MEI1: variants seen among roughly 807,000 people sequenced by gnomAD.
MEI1 encodes meiotic double-stranded break formation protein 1, also known as meiosis inhibitor protein 1.
MEI1 carries 103 observed loss-of-function variants against 146.2 expected under a neutral mutation model. The ratio of observed to expected loss-of-function variants is 0.70; its 90% CI spans 0.60 to 0.83. The LOEUF (loss-of-function observed/expected upper bound fraction) is 0.83. Ranked by LOEUF, MEI1 falls within the 40% of genes least tolerant of loss-of-function variation. The probability of loss-of-function intolerance (pLI) is 0.00; values close to 1 mark genes in which losing one functional copy is unlikely to be tolerated. For missense variants in MEI1, 1,529 were observed against 1,533.0 expected (o/e 1.00, Z 0.04); for synonymous variants, 652 against 628.2 (o/e 1.04, Z -0.57).
chr22:41,712,209 A>AAAAAAAAAAAAAAT (rs1208962479), intron 3 of MEI1, among the ~76,000 whole-genome samples: 1 of 143,550 alleles, frequency 7.0e-6, no homozygotes, highest in African/African-American at 2.8e-5. Context: ...CGGCTCAAAA[A>AAAAAAAAAAAAAAT]AAAAAAAGCA....
At chr22:41,752,792 G>A in intron 16 of MEI1, 141 bp downstream of exon 16, 1 of 752,908 alleles carries the variant, frequency 1.3e-6, no homozygotes, top group Non-Finnish European at 2.4e-6. Context: ...TCAGCATCTG[G>A]TGCAATAAGC....
rs1433377309 is a variant in MEI1 at position 41,713,197 on chromosome 22, G to A, written c.350-805G>A. ...CTGATAATAAATCAAAGAAGGCCAG[G>A]CATGGTGACTCACACCTATTATCCC... On this transcript the variant is annotated intron_variant, in intron 3 of 30. Transcript: ENST00000401548. 2.0e-5 allele frequency among the ~76,000 whole-genome samples: 3 copies of A among 152,140 alleles called. No homozygotes were observed. The South Asian group carries it at 6.2e-4, about 32-fold the overall frequency.
In MEI1 at chr22:41,723,930, C is replaced by A; in HGVS notation, c.734-13C>A. ...TTCCTCTTGCCTTACTTCCCAATCC[C>A]TTTGTTTCCTAGGTTTGCTGAGGCA... On this transcript the variant is annotated splice_polypyrimidine_tract_variant and intron_variant, in intron 6 of 30. Coordinates refer to ENST00000401548, the MANE Select transcript of MEI1 (RefSeq NM_152513.4). 1 of 1,584,352 alleles carries A rather than the reference C, an allele frequency of 6.3e-7. No homozygotes were observed. Among genetic ancestry groups the A allele is most frequent in the East Asian group, 2.3e-5 (1 of 43,854 alleles).
intron 15 of MEI1, among the ~76,000 whole-genome samples, chr22:41,751,941 G>A (rs112166190): frequency 3.3e-5 from 5 of 151,946 alleles, no homozygotes; most frequent in South Asian, 2.1e-4. Flanking sequence ...ATGGTGGTGC[G>A]TACCTGTAGT....
chr22:41,755,289 T>C (rs2074020615), intron 17 of MEI1, among the ~76,000 whole-genome samples: 1 of 152,158 alleles, frequency 6.6e-6, no homozygotes, highest in African/African-American at 2.4e-5. Flanking sequence ...TCCCCCTTAT[T>C]ATATTTGTGA....
At chr22:41,724,161 T>C (rs1471310957) in intron 7 of MEI1, 88 bp downstream of exon 7, 5 of 1,488,598 alleles carry the variant, frequency 3.4e-6, no homozygotes, top group Non-Finnish European at 4.6e-6. Flanking sequence ...ACCACTCCTA[T>C]CTCAGATTTC....
At chr22:41,790,311 C>G (rs2076132182) in intron 26 of MEI1, among the ~76,000 whole-genome samples, 1 of 152,026 alleles carries the variant, frequency 6.6e-6, no homozygotes, top group Non-Finnish European at 1.5e-5. Flanking sequence ...CTCAAAACTC[C>G]TGGCCTCAAG....
chr22:41,720,968 A>G (rs1397787102), intron 6 of MEI1, among the ~76,000 whole-genome samples: 4 of 149,086 alleles, frequency 2.7e-5, no homozygotes, highest in Non-Finnish European at 5.9e-5. Context: ...TTAAGTAGAG[A>G]CGGGGTTTCA....
At chr22:41,730,003 A>G (rs117391101) in intron 8 of MEI1, among the ~76,000 whole-genome samples, 166 of 152,340 alleles carry the variant, frequency 1.1e-3, no homozygotes, top group Non-Finnish European at 2.0e-3. Context: ...CCTGTGGACC[A>G]GGTAGGCAAC....
chr22:41,749,310 T>C (rs528099931), intron 15 of MEI1, among the ~76,000 whole-genome samples: 1 of 152,046 alleles, frequency 6.6e-6, no homozygotes, highest in Admixed American at 6.6e-5. Flanking sequence ...AGTTTAGCTC[T>C]TGTTGCCCGG....
At chr22:41,708,117 A>G (rs2069240841) in intron 3 of MEI1, among the ~76,000 whole-genome samples, 2 of 152,262 alleles carry the variant, frequency 1.3e-5, no homozygotes, top group Admixed American at 6.5e-5. Flanking sequence ...TTTAAATTCA[A>G]TCACAGTCCT....
intron 26 of MEI1, among the ~76,000 whole-genome samples, chr22:41,786,688 G>A (rs2075997959): frequency 6.6e-6 from 1 of 152,334 alleles, no homozygotes; most frequent in East Asian, 1.9e-4. Flanking sequence ...GCTTGGGTCA[G>A]TGCCCTCTCC....
At chr22:41,712,528 C>G (rs2069678650) in intron 3 of MEI1, among the ~76,000 whole-genome samples, 2 of 151,922 alleles carry the variant, frequency 1.3e-5, no homozygotes, top group South Asian at 4.1e-4. Flanking sequence ...AGCCACTGCG[C>G]CCGGCTCAAA....
At chr22:41,727,039 C>T (rs992773508) in intron 7 of MEI1, among the ~76,000 whole-genome samples, 1 of 152,176 alleles carries the variant, frequency 6.6e-6, no homozygotes, top group Middle Eastern at 3.4e-3. Context: ...TCCCTAATTT[C>T]TAAACTCCTT....
At chr22:41,726,994 C>T (rs548763033) in intron 7 of MEI1, among the ~76,000 whole-genome samples, 6 of 151,928 alleles carry the variant, frequency 3.9e-5, no homozygotes, top group Non-Finnish European at 7.4e-5. Flanking sequence ...AGCATGGTCT[C>T]GATCTCCTGA....
chr22:41,761,323 T>G (rs981543071), intron 18 of MEI1, among the ~76,000 whole-genome samples: 2 of 148,812 alleles, frequency 1.3e-5, no homozygotes, highest in Non-Finnish European at 3.0e-5. Context: ...TTTTTTGTTT[T>G]TTTTTTTTTG....
At chr22:41,734,630 G>T (rs1362273709) in intron 11 of MEI1, among the ~76,000 whole-genome samples, 1 of 152,132 alleles carries the variant, frequency 6.6e-6, no homozygotes, top group African/African-American at 2.4e-5. Context: ...GTAAATAGTT[G>T]TCATGCTGTA....
rs895825608 is a variant in MEI1, at chr22:41,703,328, A to G, written c.175-3A>G. The G allele has an allele frequency of 1.2e-6, 2 of 1,611,904 alleles. No homozygotes were observed. Among genetic ancestry groups the G allele is most frequent in the African/African-American group, 2.7e-5 (2 of 74,890 alleles). ...TTGAATGTTTTTCTTCATTTGCTTC[A>G]AGTTAGTGCGCAAGAAGCACATGTT... On this transcript the variant is annotated splice_region_variant and splice_polypyrimidine_tract_variant and intron_variant, in intron 1 of 30. Coordinates refer to ENST00000401548, the MANE Select transcript of MEI1 (RefSeq NM_152513.4).
At chr22:41,784,513 A>G in intron 25 of MEI1, 93 bp downstream of exon 25, 2 of 1,594,408 alleles carry the variant, frequency 1.3e-6, no homozygotes, top group Non-Finnish European at 1.7e-6. Context: ...TCACTCCATA[A>G]TTGTCTCATC....
Sources: allele counts gnomAD v4.1 joint callset (sites outside exome capture counted in the v4.1 genomes callset), GRCh38; gene constraint gnomAD v4.1.1; transcripts MANE v1.5; gene names NCBI Gene and HGNC (gene_info 2026-07-23, HGNC 2026-07-21).